The following BICRAL variants were observed in gnomAD, a reference collection of about 807,000 sequenced individuals.
The protein encoded by BICRAL is BICRA like chromatin remodeling complex associated protein, also known as BRD4-interacting chromatin-remodeling complex-associated protein-like.
In BICRAL, 8 loss-of-function variants were observed where a neutral mutation model predicts 91.8. The ratio of observed to expected loss-of-function variants is 0.09; its 90% confidence interval spans 0.05 to 0.16. The LOEUF is 0.16. Among genes scored for constraint, BICRAL ranks in the 10% least tolerant of loss-of-function variants. The pLI is 1.00. For missense variants in BICRAL, 1,038 were observed against 1,310.9 expected (o/e 0.79, Z 3.21); for synonymous variants, 445 against 491.1 (o/e 0.91, Z 1.24).
At chr6:42,788,123 C>G (rs923179238) in intron 1 of BICRAL, among the ~76,000 whole-genome samples, 4 of 150,206 alleles carry the variant, frequency 2.7e-5, no homozygotes, top group African/African-American at 7.3e-5. Context: ...GAAGGCTTTT[C>G]TTTTAAACAA....
chr6:42,746,643 G>T (rs1762279254), upstream of BICRAL, among the ~76,000 whole-genome samples: 1 of 151,922 alleles, frequency 6.6e-6, no homozygotes, highest in Non-Finnish European at 1.5e-5. Context: ...CATGCCTCCG[G>T]TTTTTTCTTT....
At chr6:42,790,330 A>ATTTTTTTTTTT (rs70990136) in intron 1 of BICRAL, among the ~76,000 whole-genome samples, 12 of 87,826 alleles carry the variant, frequency 1.4e-4, no homozygotes, top group East Asian at 3.0e-4. Context: ...AGATAATTTA[A>ATTTTTTTTTTT]TTTTTTTTTT....
intron 5 of BICRAL, among the ~76,000 whole-genome samples, chr6:42,823,431 T>C (rs1412786075): frequency 6.6e-6 from 1 of 152,118 alleles, no homozygotes; most frequent in East Asian, 1.9e-4. Flanking sequence ...CTGTTGTAAT[T>C]TATATAGGAA....
intron 6 of BICRAL, among the ~76,000 whole-genome samples, chr6:42,846,038 G>A (rs1219490139): frequency 1.4e-5 from 2 of 138,908 alleles, no homozygotes; most frequent in Non-Finnish European, 3.1e-5. Flanking sequence ...CTCAAGCCTG[G>A]GCAATAGAGT....
chr6:42,856,816 A>T (rs1765373771), intron 9 of BICRAL, among the ~76,000 whole-genome samples: 1 of 152,100 alleles, frequency 6.6e-6, no homozygotes, highest in African/African-American at 2.4e-5. Context: ...GCATGAACTT[A>T]GTTGGCCAAT....
At chr6:42,796,951 A>C (rs1763429231) in intron 1 of BICRAL, among the ~76,000 whole-genome samples, 1 of 151,256 alleles carries the variant, frequency 6.6e-6, no homozygotes, top group Admixed American at 6.6e-5. Context: ...AGACTGAGGC[A>C]GGAGAATCAC....
At chr6:42,859,409 A>C (rs1765485296) in intron 10 of BICRAL, among the ~76,000 whole-genome samples, 1 of 151,338 alleles carries the variant, frequency 6.6e-6, no homozygotes, top group African/African-American at 2.4e-5. Context: ...AAAAACCCAC[A>C]GTGGGTGTGA....
chr6:42,864,542 A>G, intron 12 of BICRAL, 117 bp from the exon 13 acceptor site: 1 of 768,900 alleles, frequency 1.3e-6, no homozygotes, highest in Non-Finnish European at 2.2e-6. Context: ...TATGTGAAGC[A>G]GATGGATTCT....
intron 1 of BICRAL, among the ~76,000 whole-genome samples, chr6:42,798,212 A>G (rs982301605): frequency 9.2e-5 from 14 of 152,000 alleles, no homozygotes; most frequent in African/African-American, 2.7e-4. Flanking sequence ...GAGGGAAGTG[A>G]GGGTTGAAAA....
intron 2 of BICRAL, chr6:42,820,945 T>A (rs1486734926): frequency 6.6e-6 from 1 of 152,242 alleles, no homozygotes; most frequent in Non-Finnish European, 1.5e-5. Context: ...TTTGGCCTTG[T>A]GACTGTTAGA....
chr6:42,851,264 A>G (rs1418358990), intron 6 of BICRAL, among the ~76,000 whole-genome samples: 1 of 152,162 alleles, frequency 6.6e-6, no homozygotes, highest in African/African-American at 2.4e-5. Context: ...GTGCATGCAT[A>G]CAATCCCAGC....
chr6:42,762,381 A>C (rs1195496439), intron 1 of BICRAL, among the ~76,000 whole-genome samples: 1 of 152,240 alleles, frequency 6.6e-6, no homozygotes, highest in Non-Finnish European at 1.5e-5. Flanking sequence ...GATTTCAATG[A>C]CAGTTTTAAA....
intron 1 of BICRAL, among the ~76,000 whole-genome samples, chr6:42,766,948 G>A (rs1409235423): frequency 6.6e-6 from 1 of 151,958 alleles, no homozygotes; most frequent in Non-Finnish European, 1.5e-5. Flanking sequence ...GCTGAGGCAG[G>A]AGAATGGCGT....
chr6:42,776,386 C>T (rs754219154), intron 1 of BICRAL, among the ~76,000 whole-genome samples: 2 of 151,666 alleles, frequency 1.3e-5, no homozygotes, highest in African/African-American at 2.4e-5. Context: ...CTTGCTCTGT[C>T]GCCCAGGCTG....
intron 1 of BICRAL, among the ~76,000 whole-genome samples, chr6:42,790,530 C>G (rs897178587): frequency 6.6e-6 from 1 of 151,308 alleles, no homozygotes; most frequent in African/African-American, 2.4e-5. Context: ...AGCACCCCCC[C>G]CCCACCTTCT....
intron 5 of BICRAL, among the ~76,000 whole-genome samples, chr6:42,825,085 C>T (rs1481472361): frequency 6.6e-6 from 1 of 151,628 alleles, no homozygotes; most frequent in Non-Finnish European, 1.5e-5. Context: ...ATAGTGAAAC[C>T]CCATCTCTAC....
chr6:42,834,070 T>A (rs1250075525), intron 6 of BICRAL, among the ~76,000 whole-genome samples: 1 of 152,182 alleles, frequency 6.6e-6, no homozygotes, highest in Non-Finnish European at 1.5e-5. Context: ...GCCAGGCTGG[T>A]CTCGAACTCC....
chr6:42,856,461 G>A (rs900114415), intron 9 of BICRAL, among the ~76,000 whole-genome samples: 12 of 120,938 alleles, frequency 9.9e-5, no homozygotes, highest in Admixed American at 3.2e-4. Flanking sequence ...TACAGCCTCC[G>A]CCTTCTGGGC....
intron 1 of BICRAL, 125 bp downstream of exon 1, chr6:42,782,226 G>C (rs1229744380): frequency 1.3e-5 from 2 of 150,180 alleles, no homozygotes; most frequent in African/African-American, 4.9e-5. Context: ...GGGGGGGCTG[G>C]AGATCTGTCT....
Sources: gnomAD v4.1 joint callset for allele counts (sites outside exome capture counted in the v4.1 genomes callset) on GRCh38, gnomAD v4.1.1 for gene constraint, MANE v1.5 for transcripts, NCBI Gene and HGNC (gene_info 2026-07-23, HGNC 2026-07-21) for gene names.